CSMD1: variants seen among roughly 807,000 people sequenced by gnomAD.
CSMD1 encodes CUB and Sushi multiple domains 1.
Under a neutral mutation model 417.5 loss-of-function variants are expected in CSMD1, and 213 were observed. That is an observed-to-expected ratio of 0.51 (90% CI 0.46 to 0.57). CSMD1 has a LOEUF of 0.57. Ranked by LOEUF, CSMD1 falls within the 20% of genes least tolerant of loss-of-function variation. The pLI, the probability that CSMD1 is intolerant of heterozygous loss-of-function variation, is 0.00. For missense variants in CSMD1, 6,923 were observed against 4,529.7 expected (o/e 1.53, Z -15.17); for synonymous variants, 2,862 against 1,736.8 (o/e 1.65, Z -16.11).
chr8:4,278,869 T>C (rs1344956024), intron 3 of CSMD1, among the ~76,000 whole-genome samples: 1 of 152,214 alleles, frequency 6.6e-6, no homozygotes, highest in Non-Finnish European at 1.5e-5. Flanking sequence ...AATTGCAGTA[T>C]GTATGTAATA....
At position 3,540,079 on chromosome 8, in the gene CSMD1, G is replaced by C. The variant is rs553463990; in HGVS notation, c.1344+34866C>G. On this transcript the variant is annotated intron_variant, in intron 10 of 69. Transcript: ENST00000635120. ...GCAATCTCTGATTGGCTCATAAATA[G>C]GCTTCTCTGTGATTCTAGTTGCTTG... is the stretch of plus-strand genomic sequence containing the variant. Among the ~76,000 whole-genome samples the C allele has an allele frequency of 2.1e-3, 314 of 152,200 alleles. 2 individuals carry two copies. The highest frequency in any genetic ancestry group is 6.9e-3 in the African/African-American group (286 of 41,514).
chr8:3,385,971 A>G (rs1271404803), intron 18 of CSMD1, among the ~76,000 whole-genome samples: 1 of 152,180 alleles, frequency 6.6e-6, no homozygotes, highest in Non-Finnish European at 1.5e-5. Context: ...TAGAAGAGGA[A>G]TTAAGAATGT....
At chr8:4,870,388 C>G (rs1053611741) in intron 1 of CSMD1, among the ~76,000 whole-genome samples, 1 of 152,110 alleles carries the variant, frequency 6.6e-6, no homozygotes, top group African/African-American at 2.4e-5. Flanking sequence ...TTCAGAAACC[C>G]TTCAACAGAG....
intron 1 of CSMD1, among the ~76,000 whole-genome samples, chr8:4,733,064 G>C (rs950952281): frequency 6.6e-6 from 1 of 151,794 alleles, no homozygotes; most frequent in Non-Finnish European, 1.5e-5. Flanking sequence ...CTAGAAAAAA[G>C]ACCGAGGTTG....
chr8:3,356,047 G>C (rs1446049470), intron 21 of CSMD1, among the ~76,000 whole-genome samples: 2 of 151,918 alleles, frequency 1.3e-5, no homozygotes, highest in African/African-American at 2.4e-5. Flanking sequence ...ACTTGATAGA[G>C]AGAGAAATAG....
intron 5 of CSMD1, among the ~76,000 whole-genome samples, chr8:3,913,812 G>A (rs1382975567): frequency 1.3e-5 from 2 of 152,072 alleles, no homozygotes; most frequent in African/African-American, 4.8e-5. Context: ...GAGTACTAGA[G>A]TATTAGAACC....
intron 8 of CSMD1, among the ~76,000 whole-genome samples, chr8:3,595,579 G>A (rs1801052232): frequency 6.6e-6 from 1 of 152,130 alleles, no homozygotes; most frequent in Admixed American, 6.5e-5. Context: ...ATCCCTTAAT[G>A]ACAATCAAAA....
At chr8:4,881,221 T>C (rs1803373969) in intron 1 of CSMD1, among the ~76,000 whole-genome samples, 1 of 152,128 alleles carries the variant, frequency 6.6e-6, no homozygotes, top group African/African-American at 2.4e-5. Flanking sequence ...CATAGGTCCA[T>C]TCTAGTACTT....
chr8:4,338,241 A>G (rs555967017), intron 3 of CSMD1, among the ~76,000 whole-genome samples: 14 of 152,322 alleles, frequency 9.2e-5, no homozygotes, highest in African/African-American at 3.1e-4. Context: ...ATATTAAGTT[A>G]GAATAGTTGC....
intron 1 of CSMD1, among the ~76,000 whole-genome samples, chr8:4,671,712 C>A (rs748129302): frequency 2.0e-5 from 3 of 152,076 alleles, no homozygotes; most frequent in Non-Finnish European, 4.4e-5. Flanking sequence ...AAATATGGGT[C>A]AGAAAGTATT....
chr8:4,954,988 G>A (rs1808991468), intron 1 of CSMD1, among the ~76,000 whole-genome samples: 1 of 152,042 alleles, frequency 6.6e-6, no homozygotes, highest in Admixed American at 6.5e-5. Context: ...TAATTTTTCT[G>A]GGTTTTCAAT....
At position 3,827,834 on chromosome 8, in the gene CSMD1, A is replaced by G. The variant is rs145043693; in HGVS notation, c.819-73792T>C. 5.7e-4 allele frequency among the ~76,000 whole-genome samples: 87 copies of G among 152,322 alleles called. 1 individual carries two copies. Among genetic ancestry groups the G allele is most frequent in the South Asian group, 4.8e-3 (23 of 4,818 alleles). The stretch of plus-strand genomic sequence containing the variant: ...TGACACTGTAAAAGTCGGTCCACTA[A>G]TAACTCACAGTGCATGTCACAGAAG... On this transcript the variant is annotated intron_variant, in intron 5 of 69. Coordinates refer to ENST00000635120, the MANE Select transcript of CSMD1 (RefSeq NM_033225.6).
intron 7 of CSMD1, among the ~76,000 whole-genome samples, chr8:3,644,798 G>A (rs1003881415): frequency 2.0e-5 from 3 of 151,786 alleles, no homozygotes; most frequent in South Asian, 2.1e-4. Flanking sequence ...AGTTTATACA[G>A]CATTTCCACT....
chr8:4,950,111 T>G (rs1294151998), intron 1 of CSMD1, among the ~76,000 whole-genome samples: 1 of 110,292 alleles, frequency 9.1e-6, no homozygotes, highest in African/African-American at 2.9e-5. Flanking sequence ...TAGAAATGTT[T>G]CATATGATAA....
At chr8:3,838,557 G>A (rs1157503275) in intron 5 of CSMD1, among the ~76,000 whole-genome samples, 5 of 135,116 alleles carry the variant, frequency 3.7e-5, no homozygotes, top group African/African-American at 1.4e-4. Context: ...ACTCTCTGTA[G>A]ATATATATAG....
intron 3 of CSMD1, among the ~76,000 whole-genome samples, chr8:4,286,674 T>C (rs1486660518): frequency 1.3e-5 from 2 of 152,164 alleles, no homozygotes; most frequent in East Asian, 3.9e-4. Context: ...CATACTGATT[T>C]TGTAGGGCCA....
chr8:4,989,281 G>GA (rs562499277), intron 1 of CSMD1, among the ~76,000 whole-genome samples: 117 of 146,512 alleles, frequency 8.0e-4, no homozygotes, highest in Admixed American at 2.6e-3. Flanking sequence ...AGTAAAAAAA[G>GA]AAAAAAAAAA....
intron 5 of CSMD1, among the ~76,000 whole-genome samples, chr8:3,842,314 T>C (rs931911474): frequency 1.3e-5 from 2 of 152,166 alleles, no homozygotes; most frequent in African/African-American, 4.8e-5. Flanking sequence ...GTAGTTTCTA[T>C]TGGTACACTC....
At chr8:4,170,793 T>G (rs1043347640) in intron 3 of CSMD1, among the ~76,000 whole-genome samples, 1 of 151,886 alleles carries the variant, frequency 6.6e-6, no homozygotes, top group Non-Finnish European at 1.5e-5. Flanking sequence ...TGGTTCTGTT[T>G]GGGGATTACC....
Sources: gnomAD v4.1 joint callset for allele counts (sites outside exome capture counted in the v4.1 genomes callset) on GRCh38, gnomAD v4.1.1 for gene constraint, MANE v1.5 for transcripts, NCBI Gene and HGNC (gene_info 2026-07-23, HGNC 2026-07-21) for gene names.